The following DNAH7 variants were observed in gnomAD, a reference collection of about 807,000 sequenced individuals.
The protein encoded by DNAH7 is axonemal beta dynein heavy chain 7.
DNAH7 carries 397 observed loss-of-function variants against 444.6 expected under a neutral mutation model. The observed-to-expected ratio is 0.89, with a 90% CI of 0.82 to 0.97. The LOEUF is 0.97. Among genes scored for constraint, DNAH7 ranks in the 50% least tolerant of loss-of-function variants. The pLI is 0.00. For missense variants in DNAH7, 4,902 were observed against 4,800.8 expected, an observed-to-expected ratio of 1.02 and a Z score of -0.62; for synonymous variants, 1,636 against 1,624.4, an observed-to-expected ratio of 1.01 and a Z score of -0.17.
In DNAH7 at chr2:195,816,648, T is replaced by G; in HGVS notation, c.9741A>C (p.Lys3247Asn). 6.2e-7 allele frequency: 1 copy of G among 1,611,020 alleles called. No individual in the cohort carries two copies. Among genetic ancestry groups the G allele is most frequent in the South Asian group, 1.1e-5 (1 of 90,288 alleles). ...CATACCTTTTTGCCAAAATTTCTGATTTCTCTGAATTTTCAATAGACAGGA... is the reference window on the plus strand; with the variant it reads ...CATACCTTTTTGCCAAAATTTCTGAGTTCTCTGAATTTTCAATAGACAGGA... ...LFILSIENSE[K>N]SEILAKRLQI... is the part of the protein sequence containing the mutation. Residue 3247 changes from lysine (K) to asparagine (N), a missense_variant, in exon 51 of 65, where the codon AAA becomes AAC. Coordinates refer to ENST00000312428, the MANE Select transcript of DNAH7 (RefSeq NM_018897.3).
intron 61 of DNAH7, among the ~76,000 whole-genome samples, chr2:195,764,938 G>A (rs1416193921): frequency 6.6e-6 from 1 of 151,006 alleles, no homozygotes; most frequent in Admixed American, 6.6e-5. Context: ...AAGCTATCCT[G>A]AGCAAAATGA....
chr2:195,795,666 C>G (rs1696098805), intron 56 of DNAH7: 1 of 152,254 alleles, frequency 6.6e-6, no homozygotes, highest in Non-Finnish European at 1.5e-5. Flanking sequence ...TGAACTTTGT[C>G]TTGCATGCCT....
At chr2:195,975,210 G>C (rs182281437) in intron 15 of DNAH7, among the ~76,000 whole-genome samples, 154 of 152,288 alleles carry the variant, frequency 1.0e-3, no homozygotes, top group Non-Finnish European at 1.3e-3. Context: ...AAGAGGGTAG[G>C]AAAGATAGTC....
chr2:195,871,751 G>A (rs1700710952), intron 40 of DNAH7, among the ~76,000 whole-genome samples: 1 of 83,928 alleles, frequency 1.2e-5, no homozygotes, highest in Non-Finnish European at 2.1e-5. Context: ...CTAAAACGGT[G>A]AAACCCCGTC....
intron 36 of DNAH7, among the ~76,000 whole-genome samples, chr2:195,877,014 A>G (rs1701102266): frequency 6.6e-6 from 1 of 152,180 alleles, no homozygotes; most frequent in African/African-American, 2.4e-5. Context: ...TCAGACTGCC[A>G]TTTGTCTCTC....
In DNAH7 at chr2:195,864,134, T is replaced by C. The variant is rs369455932; in HGVS notation, c.7506+15A>G. ...AACATTTCTAGAAGTCTATCTAAAATGTACATGACAATACCTGAAACCAGT... is the reference window on the plus strand; with the variant it reads ...AACATTTCTAGAAGTCTATCTAAAACGTACATGACAATACCTGAAACCAGT... On this transcript the variant is annotated intron_variant, in intron 41 of 64. Coordinates refer to ENST00000312428, the MANE Select transcript of DNAH7 (RefSeq NM_018897.3). 12 of 1,600,412 alleles carry C rather than the reference T, an allele frequency of 7.5e-6. No homozygotes were observed. In the African/African-American group the frequency reaches 1.2e-4, roughly 16 times the overall value.
Position 195,809,885 on chromosome 2 carries a change from GA to G in DNAH7, c.9762-15del, listed in dbSNP as rs761259008. On this transcript the variant is annotated splice_polypyrimidine_tract_variant and intron_variant, in intron 51 of 64. Transcript: ENST00000312428. The stretch of plus-strand genomic sequence containing the variant: ...AGAATCTGAAGCCTAAGGGTCAACA[GA>G]AAATAAAGGAAATAAATAAAAATAT... 3 of 1,489,350 alleles carry G rather than the reference GA, an allele frequency of 2.0e-6. No homozygotes were observed. In the African/African-American group the frequency reaches 4.3e-5, roughly 21 times the overall value. The allele number at this position is 1,489,350 out of a possible 1,614,324, so 92.3% of individuals were successfully genotyped here. A position where few individuals can be genotyped will look rare whatever the true frequency, so the allele number is the denominator to read the frequency against.
In DNAH7 at chr2:196,048,280, A is replaced by G; in HGVS notation, c.250+16T>C. The G allele has an allele frequency of 1.3e-6, 2 of 1,579,086 alleles. No individual in the cohort carries two copies. Among genetic ancestry groups the G allele is most frequent in the Non-Finnish European group, 1.7e-6 (2 of 1,152,570 alleles). ...AAATTATCCTTAAATCTAATTTAGAATATTGAAGTTCTTACCATGGGACTG... is the reference window on the plus strand; with the variant it reads ...AAATTATCCTTAAATCTAATTTAGAGTATTGAAGTTCTTACCATGGGACTG... On this transcript the variant is annotated intron_variant, in intron 4 of 64. Transcript: ENST00000312428.
Position 195,936,651 on chromosome 2 carries a change from A to G in DNAH7, c.3220T>C (p.Leu1074=), listed in dbSNP as rs758291756. ...KRLFFPRFFF[L]SNDELLEILS... ...ATCTCAAGAAGTTCATCATTGGACAAAAAAAAGAATCTGGGGAAAAAGAGG... is the reference window on the plus strand; with the variant it reads ...ATCTCAAGAAGTTCATCATTGGACAGAAAAAAGAATCTGGGGAAAAAGAGG... The change falls in exon 20 of 65, where the codon TTG becomes CTG. Residue 1074 remains leucine (L), a synonymous_variant. Transcript: ENST00000312428. 1.1e-5 allele frequency: 17 copies of G among 1,606,180 alleles called. No homozygotes were observed. The highest frequency in any genetic ancestry group is 6.8e-5 in the Admixed American group (4 of 58,460).
chr2:195,846,059 G>A (rs935120324), intron 46 of DNAH7, among the ~76,000 whole-genome samples: 21 of 152,162 alleles, frequency 1.4e-4, no homozygotes, highest in African/African-American at 5.1e-4. Flanking sequence ...ACTATCAGCA[G>A]AGTAAATAGA....
chr2:196,064,366 T>TA (rs1435278380), intron 1 of DNAH7, among the ~76,000 whole-genome samples: 54 of 150,254 alleles, frequency 3.6e-4, no homozygotes, highest in African/African-American at 1.3e-3. Context: ...AATAAATAAA[T>TA]AATAAAAAGA....
intron 57 of DNAH7, among the ~76,000 whole-genome samples, chr2:195,792,166 C>CAAAAAAAAAAA (rs34983984): frequency 1.8e-5 from 1 of 54,476 alleles, no homozygotes; most frequent in Non-Finnish European, 3.0e-5. Context: ...GACCCTGTCT[C>CAAAAAAAAAAA]AAAAAAAAAA....
At chr2:196,004,703 A>G (rs1377972639) in intron 10 of DNAH7, among the ~76,000 whole-genome samples, 1 of 151,948 alleles carries the variant, frequency 6.6e-6, no homozygotes, top group African/African-American at 2.4e-5. Flanking sequence ...TAATCCCAGC[A>G]CTTTGGGAGG....
At chr2:195,766,167 ATTTTT>A (rs755912873) in intron 61 of DNAH7, among the ~76,000 whole-genome samples, 18 of 57,336 alleles carry the variant, frequency 3.1e-4, no homozygotes, top group South Asian at 6.2e-4. Context: ...GTGGGAGCTA[ATTTTT>A]TTTTTTTTTT....
At position 195,871,004 on chromosome 2, in the gene DNAH7, G is replaced by A. The variant is rs557501513; in HGVS notation, c.6633+1246C>T. On this transcript the variant is annotated intron_variant, in intron 40 of 64. Transcript: ENST00000312428. ...GGCCCCCAAACACAAGCCTGCATCC[G>A]TATCCTGGGAAGTGGGTCCCATTCA... Among the ~76,000 whole-genome samples, 186 of 152,208 alleles carry A rather than the reference G, an allele frequency of 1.2e-3. 2 individuals are homozygous for A. Among genetic ancestry groups the A allele is most frequent in the South Asian group, 0.01 (49 of 4,824 alleles).
At chr2:195,914,879 C>G (rs1487247883) in intron 24 of DNAH7, among the ~76,000 whole-genome samples, 2 of 152,224 alleles carry the variant, frequency 1.3e-5, no homozygotes, top group Non-Finnish European at 2.9e-5. Context: ...CTAGGCTGGT[C>G]TCAAACTCCT....
Position 195,888,296 on chromosome 2 carries a change from C to G in DNAH7, c.5368G>C (p.Val1790Leu), listed in dbSNP as rs769099398. The G allele has an allele frequency of 6.2e-7, 1 of 1,610,838 alleles. No homozygotes were observed. Among genetic ancestry groups the G allele is most frequent in the South Asian group, 1.1e-5 (1 of 90,264 alleles). Reference protein sequence around the residue: ...EFIMGLFDRMVPVSVEFIRKH... With the variant: ...EFIMGLFDRMLPVSVEFIRKH... ...CTAATAAATTCAACCGAAACAGGGA[C>G]CATTCTGTCAAATAAGCCCATTATG... The change falls in exon 33 of 65, where the codon GTC (valine) becomes CTC (leucine). Residue 1790 changes from valine to leucine, a missense_variant. Transcript: ENST00000312428.
In DNAH7 at chr2:195,957,081, C is replaced by A. The variant is rs560116317; in HGVS notation, c.3078+180G>T. On this transcript the variant is annotated intron_variant, in intron 19 of 64. Coordinates refer to ENST00000312428, the MANE Select transcript of DNAH7 (RefSeq NM_018897.3). ...CTCAAGGAGTAATCAGGACAAAATA[C>A]CTACTTTTGCTTGCGACATTTTCTG... is the stretch of plus-strand genomic sequence containing the variant. 7.0e-4 allele frequency among the ~76,000 whole-genome samples: 106 copies of A among 152,258 alleles called. 5 individuals are homozygous for A. Among genetic ancestry groups the A allele is most frequent in the Admixed American group, 6.7e-3 (103 of 15,284 alleles).
chr2:195,853,700 T>C (rs1699527685), intron 45 of DNAH7, among the ~76,000 whole-genome samples, 172 bp from the exon 46 acceptor site: 1 of 152,152 alleles, frequency 6.6e-6, no homozygotes, highest in African/African-American at 2.4e-5. Context: ...TTTGTAAATA[T>C]AAAGTGTCTA....
Sources: allele counts gnomAD v4.1 joint callset (sites outside exome capture counted in the v4.1 genomes callset), GRCh38; gene constraint gnomAD v4.1.1; transcripts MANE v1.5; gene names NCBI Gene and HGNC (gene_info 2026-07-23, HGNC 2026-07-21).